Variants in TNS1 observed in about 807,000 individuals in gnomAD.
TNS1 encodes the protein tensin-1.
A neutral mutation model predicts 168.6 loss-of-function variants in TNS1; 62 were observed. The ratio of observed to expected loss-of-function variants is 0.37; its 90% CI spans 0.30 to 0.45. The LOEUF (loss-of-function observed/expected upper bound fraction) is 0.45, where lower values mean the gene tolerates loss of function less well. Ranked by LOEUF, TNS1 falls within the 20% of genes least tolerant of loss-of-function variation. TNS1 has a pLI of 1.00. For synonymous variants in TNS1, 934 were observed against 933.2 expected (o/e 1.00, Z -0.02); for missense variants, 2,240 against 2,339.4 (o/e 0.96, Z 0.88).
At chr2:217,805,504 C>CAA (rs1559131932) in intron 32 of TNS1, among the ~76,000 whole-genome samples, 3 of 58,204 alleles carry the variant, frequency 5.2e-5, no homozygotes, top group African/African-American at 8.3e-5. Context: ...ACCACACACA[C>CAA]CACCACACAC....
chr2:217,913,653 C>A (rs1954679888), intron 4 of TNS1, among the ~76,000 whole-genome samples: 2 of 152,144 alleles, frequency 1.3e-5, no homozygotes, highest in South Asian at 4.1e-4. Context: ...TGGGTCACTT[C>A]CCCACTCAGG....
At chr2:217,858,181 C>A (rs960732374) in intron 18 of TNS1, among the ~76,000 whole-genome samples, 1 of 152,234 alleles carries the variant, frequency 6.6e-6, no homozygotes, top group Admixed American at 6.5e-5. Flanking sequence ...CCGTTACCCC[C>A]ACAAGACTTA....
At chr2:217,919,491 G>A (rs1955493863) in intron 4 of TNS1, among the ~76,000 whole-genome samples, 1 of 152,242 alleles carries the variant, frequency 6.6e-6, no homozygotes, top group South Asian at 2.1e-4. Context: ...AGCGCCCAGA[G>A]CCTTGTCTGC....
intron 18 of TNS1, among the ~76,000 whole-genome samples, chr2:217,858,164 A>C (rs1328581711): frequency 6.6e-6 from 1 of 152,096 alleles, no homozygotes; most frequent in South Asian, 2.1e-4. Context: ...TTCGCGCACA[A>C]GACGAACCGT....
chr2:218,030,488 T>C (rs1446440486), intron 1 of TNS1, among the ~76,000 whole-genome samples: 1 of 152,270 alleles, frequency 6.6e-6, no homozygotes, highest in Non-Finnish European at 1.5e-5. Flanking sequence ...GGACCCGAGC[T>C]GTCTGCTTTC....
At chr2:217,887,482 A>AT (rs1440111880) in intron 12 of TNS1, among the ~76,000 whole-genome samples, 1 of 152,002 alleles carries the variant, frequency 6.6e-6, no homozygotes, top group African/African-American at 2.4e-5. Context: ...CTAATTTTGT[A>AT]TTTTTAGTAG....
chr2:217,870,995 G>C (rs1949724611), intron 18 of TNS1, among the ~76,000 whole-genome samples: 1 of 152,210 alleles, frequency 6.6e-6, no homozygotes, highest in South Asian at 2.1e-4. Flanking sequence ...CCCCTCTTGG[G>C]GGAGGCAAAA....
At chr2:217,945,886 G>A (rs1957093041) in intron 3 of TNS1, among the ~76,000 whole-genome samples, 1 of 152,140 alleles carries the variant, frequency 6.6e-6, no homozygotes, top group Admixed American at 6.5e-5. Context: ...GGGATCCCGG[G>A]TCAGTTTCAG....
rs1307298258 is a variant in TNS1 at position 217,986,527 on chromosome 2, A to G, written c.148+4415T>C. Among the ~76,000 whole-genome samples the G allele has an allele frequency of 6.6e-6, 1 of 152,076 alleles. No homozygotes were observed. Among genetic ancestry groups the G allele is most frequent in the Non-Finnish European group, 1.5e-5 (1 of 68,020 alleles). On this transcript the variant is annotated intron_variant, in intron 2 of 32. Coordinates refer to ENST00000682258, the MANE Select transcript of TNS1 (RefSeq NM_001387777.1). This position sits in a 1 kb window ranked among gnomAD's most constrained non-coding sequence, Gnocchi z 4.7. ...GGCCTGGTGGGAGGTAGAGCCCTTGAGCAAAGCTCTGAGTCCACATAGCCT... is the reference window on the plus strand; with the variant it reads ...GGCCTGGTGGGAGGTAGAGCCCTTGGGCAAAGCTCTGAGTCCACATAGCCT...
chr2:217,968,661 T>C (rs1957705099), intron 3 of TNS1, among the ~76,000 whole-genome samples: 1 of 152,186 alleles, frequency 6.6e-6, no homozygotes, highest in Non-Finnish European at 1.5e-5. Context: ...TATCTCATGC[T>C]CATGAATCAG....
At position 217,848,186 on chromosome 2, in the gene TNS1, C is replaced by T; in HGVS notation, c.2331G>A (p.Gln777=). 1 of 1,604,972 alleles carries T rather than the reference C, an allele frequency of 6.2e-7. No homozygotes were observed. Among genetic ancestry groups the T allele is most frequent in the Non-Finnish European group, 8.5e-7 (1 of 1,175,388 alleles). The part of the protein sequence containing the change: ...AVQRGLNSWQ[Q]QQQQQQQPRP... ...GAGGCTGCTGCTGCTGCTGCTGCTG[C>T]TGCTGCCACGAATTCAGTCCCCTTT... The change falls in exon 19 of 33, where the codon CAG becomes CAA. Residue 777 remains glutamine, a synonymous_variant. Coordinates refer to ENST00000682258, the MANE Select transcript of TNS1 (RefSeq NM_001387777.1).
chr2:217,835,267 C>T (rs1412881691), intron 20 of TNS1, 101 bp from the exon 21 acceptor site: 2 of 1,100,278 alleles, frequency 1.8e-6, no homozygotes, highest in Non-Finnish European at 2.6e-6. Flanking sequence ...AACCAGCCCC[C>T]ACATCCCCTC....
At chr2:217,934,628 C>T (rs1056109756) in intron 3 of TNS1, among the ~76,000 whole-genome samples, 1 of 152,222 alleles carries the variant, frequency 6.6e-6, no homozygotes, top group African/African-American at 2.4e-5. Flanking sequence ...CGTATCCCCA[C>T]CTGAGTCACT....
At chr2:217,927,747 G>A (rs1956107818) in intron 3 of TNS1, among the ~76,000 whole-genome samples, 1 of 152,198 alleles carries the variant, frequency 6.6e-6, no homozygotes, top group African/African-American at 2.4e-5. Context: ...CAGAGCACGG[G>A]AGGGTGCCAC....
At chr2:217,889,840 G>A (rs757604817) in intron 12 of TNS1, among the ~76,000 whole-genome samples, 7 of 152,178 alleles carry the variant, frequency 4.6e-5, no homozygotes, top group Non-Finnish European at 7.4e-5. Flanking sequence ...CTGGGCCTGC[G>A]TCCCACCATC....
intron 3 of TNS1, among the ~76,000 whole-genome samples, chr2:217,964,101 G>T (rs551857645): frequency 2.6e-4 from 39 of 152,054 alleles, no homozygotes; most frequent in Non-Finnish European, 4.6e-4. Flanking sequence ...GGTTCGGGAG[G>T]CCTCAGTAAA....
At chr2:217,954,848 T>C (rs755438281) in intron 3 of TNS1, among the ~76,000 whole-genome samples, 2 of 152,148 alleles carry the variant, frequency 1.3e-5, no homozygotes, top group Non-Finnish European at 2.9e-5. Context: ...CCACACACTC[T>C]CATGAGTAAA....
At chr2:218,000,460 A>G (rs1206365294) in intron 1 of TNS1, among the ~76,000 whole-genome samples, 1 of 152,248 alleles carries the variant, frequency 6.6e-6, no homozygotes, top group Non-Finnish European at 1.5e-5. Flanking sequence ...GGTCTGGGAT[A>G]CAGAGGATCC....
chr2:218,019,026 G>T (rs964196734), intron 1 of TNS1, among the ~76,000 whole-genome samples: 1 of 150,716 alleles, frequency 6.6e-6, no homozygotes, highest in Non-Finnish European at 1.5e-5. Flanking sequence ...GCAGTGAGCC[G>T]AGATCACACC....
Sources: allele counts gnomAD v4.1 joint callset (sites outside exome capture counted in the v4.1 genomes callset), GRCh38; gene constraint gnomAD v4.1.1; non-coding constraint Gnocchi (gnomAD v3.1); transcripts MANE v1.5; gene names NCBI Gene and HGNC (gene_info 2026-07-23, HGNC 2026-07-21).